STK33: variants seen among roughly 807,000 people sequenced by gnomAD.
The protein encoded by STK33 is serine/threonine-protein kinase 33.
Under a neutral mutation model 58.0 loss-of-function variants are expected in STK33, and 52 were observed. The ratio of observed to expected loss-of-function variants is 0.90; its 90% CI spans 0.72 to 1.13. The LOEUF is 1.13. STK33 is among the 50% of genes most tolerant of loss of function. STK33 has a pLI of 0.00. For synonymous variants in STK33, 215 were observed against 200.1 expected, an observed-to-expected ratio of 1.07 and a Z score of -0.63; for missense variants, 630 against 604.2, an observed-to-expected ratio of 1.04 and a Z score of -0.45.
At chr11:8,413,321 AG>A (rs1940595534) in intron 15 of STK33, among the ~76,000 whole-genome samples, 173 bp downstream of exon 15, 1 of 152,254 alleles carries the variant, frequency 6.6e-6, no homozygotes, top group Admixed American at 6.5e-5. Flanking sequence ...ATAAACATGT[AG>A]GCCACCTCGC....
At chr11:8,387,821 A>T (rs59645839), downstream of STK33, among the ~76,000 whole-genome samples, 34,227 of 127,816 alleles carry the variant, frequency 0.27, 4,306 homozygotes, top group African/African-American at 0.35. Context: ...CTTCAGTCAC[A>T]TGGGAATGCT....
intron 8 of STK33, among the ~76,000 whole-genome samples, chr11:8,458,318 A>T (rs1302395978): frequency 6.6e-6 from 1 of 152,026 alleles, no homozygotes; most frequent in African/African-American, 2.4e-5. Context: ...TTACTTCTAG[A>T]CTTGAAAATT....
intron 7 of STK33, among the ~76,000 whole-genome samples, chr11:8,462,383 T>G (rs867586170): frequency 4.0e-5 from 6 of 149,932 alleles, no homozygotes; most frequent in African/African-American, 1.5e-4. Flanking sequence ...TTGTTTTGAT[T>G]TGATTATATA....
intron 1 of STK33, among the ~76,000 whole-genome samples, chr11:8,567,082 G>A (rs1267334961): frequency 6.6e-6 from 1 of 152,136 alleles, no homozygotes; most frequent in East Asian, 1.9e-4. Flanking sequence ...AGAGGTTGCA[G>A]TGATCCAAGA....
chr11:8,581,670 T>TA (rs1166634207), intron 1 of STK33, among the ~76,000 whole-genome samples: 5 of 152,214 alleles, frequency 3.3e-5, no homozygotes, highest in Admixed American at 2.6e-4. Flanking sequence ...AAAGAGAAGA[T>TA]ACGTAACTTC....
the STK33 span, among the ~76,000 whole-genome samples, chr11:8,335,210 C>A: frequency 1.4e-4 from 21 of 152,298 alleles, no homozygotes; most frequent in East Asian, 3.9e-3. Flanking sequence ...CAACTCTGGG[C>A]CCCTCCTGAT....
intron 1 of STK33, among the ~76,000 whole-genome samples, chr11:8,592,948 G>C (rs1654305900): frequency 6.6e-6 from 1 of 152,214 alleles, no homozygotes; most frequent in African/African-American, 2.4e-5. Flanking sequence ...CTGGACAACA[G>C]ATCATGGTAG....
chr11:8,396,384 A>G (rs907080230), intron 15 of STK33, among the ~76,000 whole-genome samples: 3 of 152,190 alleles, frequency 2.0e-5, no homozygotes, highest in African/African-American at 7.2e-5. Context: ...CTGTATGTGT[A>G]TGGGTACCTT....
the STK33 span, among the ~76,000 whole-genome samples, chr11:8,366,271 A>G: frequency 6.6e-6 from 1 of 152,188 alleles, no homozygotes; most frequent in Admixed American, 6.5e-5. Context: ...GTCCCAGGCC[A>G]GCCTCTGCAC....
intron 6 of STK33, 123 bp downstream of exon 6, chr11:8,473,040 G>T: frequency 5.0e-6 from 3 of 600,574 alleles, no homozygotes; most frequent in South Asian, 5.8e-5. Context: ...CTTGAAAATG[G>T]TACATTTCCT....
intron 12 of STK33, among the ~76,000 whole-genome samples, chr11:8,437,397 T>A (rs1170613393): frequency 1.3e-5 from 2 of 152,186 alleles, no homozygotes; most frequent in Non-Finnish European, 2.9e-5. Flanking sequence ...TACTGTCAAC[T>A]CCAACATCTG....
chr11:8,575,198 G>C (rs997855742), intron 1 of STK33, among the ~76,000 whole-genome samples: 1 of 152,088 alleles, frequency 6.6e-6, no homozygotes, highest in Non-Finnish European at 1.5e-5. Flanking sequence ...TGGTGGCTTC[G>C]CAAAGAGCTA....
At chr11:8,472,287 C>T (rs1027329723) in intron 6 of STK33, among the ~76,000 whole-genome samples, 2 of 152,074 alleles carry the variant, frequency 1.3e-5, no homozygotes, top group East Asian at 3.9e-4. Flanking sequence ...TTTTTCAGGC[C>T]AGGCAGCTTT....
chr11:8,566,806 T>G, intron 1 of STK33, among the ~76,000 whole-genome samples: 1 of 152,234 alleles, frequency 6.6e-6, no homozygotes, highest in East Asian at 1.9e-4. Context: ...GTGGAAATTT[T>G]TTAAATTACT....
At chr11:8,408,662 AC>A (rs1205620591) in intron 15 of STK33, among the ~76,000 whole-genome samples, 1 of 152,230 alleles carries the variant, frequency 6.6e-6, no homozygotes, top group Non-Finnish European at 1.5e-5. Flanking sequence ...AGAGGTCCCC[AC>A]AATCACCCCC....
intron 11 of STK33, among the ~76,000 whole-genome samples, chr11:8,451,776 T>C (rs76638925): frequency 0.019 from 2,941 of 152,298 alleles, 89 homozygotes; most frequent in African/African-American, 0.066. Context: ...ATATCTTTTA[T>C]GGTATTTAAA....
chr11:8,570,834 AC>A (rs1957760226), intron 1 of STK33, among the ~76,000 whole-genome samples: 2 of 152,160 alleles, frequency 1.3e-5, no homozygotes, highest in African/African-American at 4.8e-5. Flanking sequence ...CAAATTGTAC[AC>A]TTTAAGCATA....
At chr11:8,571,318 A>G (rs1957792547) in intron 1 of STK33, among the ~76,000 whole-genome samples, 1 of 152,210 alleles carries the variant, frequency 6.6e-6, no homozygotes, top group African/African-American at 2.4e-5. Context: ...ACAAAAGAAC[A>G]AACATTGTAT....
intron 11 of STK33, among the ~76,000 whole-genome samples, chr11:8,447,151 G>A (rs1306367146): frequency 1.3e-5 from 2 of 151,508 alleles, no homozygotes; most frequent in African/African-American, 4.8e-5. Context: ...GTGGGCAAAG[G>A]ATATGAACAG....
Sources: allele counts gnomAD v4.1 joint callset (sites outside exome capture counted in the v4.1 genomes callset), GRCh38; gene constraint gnomAD v4.1.1; transcripts MANE v1.5; gene names NCBI Gene and HGNC (gene_info 2026-07-23, HGNC 2026-07-21).